GRM5: variants seen among roughly 807,000 people sequenced by gnomAD.
The protein encoded by GRM5 is glutamate metabotropic receptor 5.
Under a neutral mutation model 83.1 loss-of-function variants are expected in GRM5, and 19 were observed. That is an observed-to-expected ratio of 0.23 (90% CI 0.16 to 0.34). The LOEUF (loss-of-function observed/expected upper bound fraction) is 0.34, where lower values mean the gene tolerates loss of function less well. GRM5 is among the 10% of genes least tolerant of loss of function. The pLI, the probability that GRM5 is intolerant of heterozygous loss-of-function variation, is 1.00. For synonymous variants in GRM5, 675 were observed against 633.6 expected (o/e 1.07, Z -0.98); for missense variants, 1,160 against 1,588.3 (o/e 0.73, Z 4.58).
chr11:88,935,393 C>T (rs1232833172), intron 2 of GRM5, among the ~76,000 whole-genome samples: 1 of 151,794 alleles, frequency 6.6e-6, no homozygotes, highest in Non-Finnish European at 1.5e-5. Flanking sequence ...AATCATCACT[C>T]TTCCAATTAC....
intron 2 of GRM5, among the ~76,000 whole-genome samples, chr11:88,975,799 A>G (rs1358504225): frequency 6.6e-6 from 1 of 152,220 alleles, no homozygotes; most frequent in Non-Finnish European, 1.5e-5. Context: ...ATTCCAACAT[A>G]CTATGAGGTA....
chr11:89,039,051 G>A (rs1941463140), intron 2 of GRM5, among the ~76,000 whole-genome samples: 1 of 152,020 alleles, frequency 6.6e-6, no homozygotes, highest in African/African-American at 2.4e-5. Context: ...AGATCATGAG[G>A]TCAGGAGATC....
chr11:88,990,766 T>G (rs902394227), intron 2 of GRM5, among the ~76,000 whole-genome samples: 2 of 151,540 alleles, frequency 1.3e-5, no homozygotes, highest in Non-Finnish European at 2.9e-5. Context: ...AAAAACCACA[T>G]GATTATCTCA....
At chr11:88,743,544 T>C (rs1942071394) in intron 3 of GRM5, among the ~76,000 whole-genome samples, 2 of 152,134 alleles carry the variant, frequency 1.3e-5, no homozygotes, top group African/African-American at 4.8e-5. Context: ...CGACCCTCAA[T>C]GGTGACCTCC....
At position 89,047,273 on chromosome 11, in the gene GRM5, C is replaced by T. The variant is rs1941662581; in HGVS notation, c.600G>A (p.Arg200=). The T allele has an allele frequency of 6.2e-7, 1 of 1,613,958 alleles. No homozygotes were observed. Among genetic ancestry groups the T allele is most frequent in the Admixed American group, 1.7e-5 (1 of 59,996 alleles). The part of the protein sequence containing the change: ...RVVPSDAQQA[R]AMVDIVKRYN... ...ACCTCTTCACTATGTCCACCATGGC[C>T]CTTGCCTGCTGAGCATCTGAAGGCA... The change falls in exon 2 of 10, where the codon AGG becomes AGA. Residue 200 remains arginine, a synonymous_variant. Coordinates refer to ENST00000305447, the MANE Select transcript of GRM5 (RefSeq NM_001143831.3). This position sits in a 1 kb window ranked among gnomAD's most constrained non-coding sequence, Gnocchi z 5.1.
chr11:88,809,966 G>C (rs1943561932), intron 3 of GRM5, among the ~76,000 whole-genome samples: 1 of 151,992 alleles, frequency 6.6e-6, no homozygotes, highest in African/African-American at 2.4e-5. Context: ...TGTGTGTCTT[G>C]TATTTTATCT....
chr11:88,623,333 T>A (rs1938695569), intron 4 of GRM5, among the ~76,000 whole-genome samples: 1 of 152,150 alleles, frequency 6.6e-6, no homozygotes, highest in Non-Finnish European at 1.5e-5. Flanking sequence ...AGAGACTATG[T>A]TGGACAGTCT....
chr11:88,695,196 A>G lies in GRM5; in HGVS notation c.912-41793T>C, dbSNP rs188391886. Among the ~76,000 whole-genome samples the G allele has an allele frequency of 8.5e-5, 13 of 152,342 alleles. No individual in the cohort carries two copies. The East Asian group carries it at 2.5e-3, about 29-fold the overall frequency. ...CAAATATATTTTCAGAAGCAGACCA[A>G]AAGGAGTTGTCTCTGAAATTTAATA... On this transcript the variant is annotated intron_variant, in intron 3 of 9. Coordinates refer to ENST00000305447, the MANE Select transcript of GRM5 (RefSeq NM_001143831.3).
At chr11:88,739,231 CG>C (rs1241679051) in intron 3 of GRM5, among the ~76,000 whole-genome samples, 2 of 151,976 alleles carry the variant, frequency 1.3e-5, no homozygotes, top group Non-Finnish European at 2.9e-5. Context: ...CTCACTAATG[CG>C]TAATTCTTAT....
intron 2 of GRM5, among the ~76,000 whole-genome samples, chr11:88,968,094 GA>G (rs1247663034): frequency 6.6e-6 from 1 of 151,998 alleles, no homozygotes; most frequent in Non-Finnish European, 1.5e-5. Flanking sequence ...AATTTTATGT[GA>G]AAAAGCCCAA....
rs537050856 is a variant in GRM5, at chr11:88,633,803, G to T, written c.1147+19365C>A. Among the ~76,000 whole-genome samples the T allele has an allele frequency of 4.7e-4, 72 of 152,050 alleles. 1 individual carries two copies. Among genetic ancestry groups the T allele is most frequent in the Non-Finnish European group, 6.2e-4 (42 of 68,028 alleles). On this transcript the variant is annotated intron_variant, in intron 4 of 9. Coordinates refer to ENST00000305447, the MANE Select transcript of GRM5 (RefSeq NM_001143831.3). ...TCCAAAGTGCTGAGATTATAAACAC[G>T]AGCCACCGTAACTAGCTAAAATTAA...
intron 6 of GRM5, among the ~76,000 whole-genome samples, chr11:88,596,915 T>G (rs996108784): frequency 6.6e-6 from 1 of 152,056 alleles, no homozygotes; most frequent in Non-Finnish European, 1.5e-5. Flanking sequence ...AACTGTAAAC[T>G]TTATTCCCAG....
At chr11:88,881,543 C>T (rs1242165830) in intron 2 of GRM5, among the ~76,000 whole-genome samples, 4 of 152,100 alleles carry the variant, frequency 2.6e-5, no homozygotes, top group Non-Finnish European at 4.4e-5. Flanking sequence ...CAAGCAAGCA[C>T]GTATTTATTT....
At chr11:88,599,930 G>A (rs1166494120) in intron 5 of GRM5, among the ~76,000 whole-genome samples, 2 of 152,092 alleles carry the variant, frequency 1.3e-5, no homozygotes, top group African/African-American at 2.4e-5. Flanking sequence ...GGAGAATGGC[G>A]TGAACCCGGG....
At chr11:88,935,653 G>A (rs1288120990) in intron 2 of GRM5, among the ~76,000 whole-genome samples, 3 of 151,904 alleles carry the variant, frequency 2.0e-5, no homozygotes, top group Non-Finnish European at 1.5e-5. Context: ...CACAGGATAA[G>A]ACTCGTGTTC....
intron 3 of GRM5, among the ~76,000 whole-genome samples, chr11:88,826,183 A>G (rs1943892500): frequency 1.3e-5 from 2 of 152,118 alleles, no homozygotes; most frequent in Non-Finnish European, 2.9e-5. Context: ...TGACAGTTCA[A>G]TTTTCAGTTT....
intron 2 of GRM5, among the ~76,000 whole-genome samples, chr11:89,018,477 T>C (rs1169478294): frequency 1.3e-5 from 2 of 152,224 alleles, no homozygotes; most frequent in East Asian, 3.8e-4. Flanking sequence ...CATTAAAAAA[T>C]GCATTTATTT....
intron 3 of GRM5, among the ~76,000 whole-genome samples, chr11:88,781,190 A>G (rs978233147): frequency 1.3e-5 from 2 of 150,802 alleles, no homozygotes; most frequent in Non-Finnish European, 1.5e-5. Flanking sequence ...GCTTATTTTG[A>G]AGAGCATGTG....
At chr11:89,028,309 A>T (rs1406287651) in intron 2 of GRM5, among the ~76,000 whole-genome samples, 1 of 152,298 alleles carries the variant, frequency 6.6e-6, no homozygotes, top group East Asian at 1.9e-4. Flanking sequence ...TTTGGCAGAC[A>T]TGGTGGCTCC....
Sources: gnomAD v4.1 joint callset for allele counts (sites outside exome capture counted in the v4.1 genomes callset) on GRCh38, gnomAD v4.1.1 for gene constraint, Gnocchi (gnomAD v3.1) non-coding constraint, MANE v1.5 for transcripts, NCBI Gene and HGNC (gene_info 2026-07-23, HGNC 2026-07-21) for gene names.